CMTM8: variants seen among roughly 807,000 people sequenced by gnomAD.
The protein encoded by CMTM8 is CKLF like MARVEL transmembrane domain containing 8.
Under a neutral mutation model 18.6 loss-of-function variants are expected in CMTM8, and 12 were observed. The ratio of observed to expected loss-of-function variants is 0.65; its 90% confidence interval spans 0.41 to 1.05. The LOEUF (loss-of-function observed/expected upper bound fraction) is 1.05. Ranked by LOEUF, CMTM8 falls within the 50% of genes least tolerant of loss-of-function variation. The pLI is 0.00. For missense variants in CMTM8, 217 were observed against 227.2 expected, an observed-to-expected ratio of 0.95 and a Z score of 0.29; for synonymous variants, 87 against 90.6, an observed-to-expected ratio of 0.96 and a Z score of 0.23.
At chr3:32,285,243 A>C (rs1033361809) in intron 1 of CMTM8, among the ~76,000 whole-genome samples, 8 of 152,180 alleles carry the variant, frequency 5.3e-5, no homozygotes, top group Non-Finnish European at 1.2e-4. Context: ...GGCTGGGTGC[A>C]GTGGCTCACG....
At chr3:32,329,492 C>T (rs1297178144) in intron 1 of CMTM8, among the ~76,000 whole-genome samples, 1 of 152,140 alleles carries the variant, frequency 6.6e-6, no homozygotes, top group Non-Finnish European at 1.5e-5. Flanking sequence ...ATGTAATACA[C>T]CACATTAATG....
intron 1 of CMTM8, among the ~76,000 whole-genome samples, chr3:32,251,620 G>C (rs990237969): frequency 6.6e-6 from 1 of 151,808 alleles, no homozygotes; most frequent in African/African-American, 2.4e-5. Context: ...AGCCACATCT[G>C]TTACTTTTTA....
intron 1 of CMTM8, among the ~76,000 whole-genome samples, chr3:32,244,877 A>G (rs922158905): frequency 6.6e-5 from 10 of 152,216 alleles, no homozygotes; most frequent in African/African-American, 2.2e-4. Flanking sequence ...GTTTTGTGAC[A>G]TAGTCTGAAG....
At chr3:32,255,898 T>C (rs2125534302) in intron 1 of CMTM8, among the ~76,000 whole-genome samples, 1 of 152,128 alleles carries the variant, frequency 6.6e-6, no homozygotes, top group South Asian at 2.1e-4. Flanking sequence ...GCTAATTTTT[T>C]TGTATTTTTT....
chr3:32,331,540 A>C lies in CMTM8; in HGVS notation c.148-25833A>C, dbSNP rs1696274484. ...CTGATTAAAAAAAAAACAATGAACA[A>C]ATAAACCATACAAAAAAAAAAAAGG... On this transcript the variant is annotated intron_variant, in intron 1 of 3. Coordinates refer to ENST00000307526, the MANE Select transcript of CMTM8 (RefSeq NM_178868.5). Among the ~76,000 whole-genome samples the C allele has an allele frequency of 2.7e-5, 4 of 148,772 alleles. No individual in the cohort carries two copies. The South Asian group carries it at 6.3e-4, about 24-fold the overall frequency.
At chr3:32,329,354 C>T (rs905008129) in intron 1 of CMTM8, among the ~76,000 whole-genome samples, 1 of 152,182 alleles carries the variant, frequency 6.6e-6, no homozygotes, top group African/African-American at 2.4e-5. Context: ...GAGTGAGCCA[C>T]CATGCCTGGC....
At chr3:32,332,754 G>A in intron 1 of CMTM8, among the ~76,000 whole-genome samples, 1 of 152,124 alleles carries the variant, frequency 6.6e-6, no homozygotes, top group East Asian at 1.9e-4. Context: ...GACAGCCTTG[G>A]TCAGTGATTC....
At chr3:32,337,072 G>T (rs6776613) in intron 1 of CMTM8, among the ~76,000 whole-genome samples, 298 of 152,116 alleles carry the variant, frequency 2.0e-3, no homozygotes, top group African/African-American at 6.9e-3. Context: ...ACTCCCTCTT[G>T]TGATAACAAA....
At chr3:32,338,600 G>T (rs1696433629) in intron 1 of CMTM8, among the ~76,000 whole-genome samples, 1 of 152,176 alleles carries the variant, frequency 6.6e-6, no homozygotes. Flanking sequence ...AAATAGTTAT[G>T]TCTGTGGTCA....
At chr3:32,267,151 T>C (rs1246621518) in intron 1 of CMTM8, among the ~76,000 whole-genome samples, 3 of 152,178 alleles carry the variant, frequency 2.0e-5, no homozygotes, top group African/African-American at 7.2e-5. Context: ...AAGTCAATCC[T>C]AAGCCAAAAG....
chr3:32,337,749 C>G (rs908788372), intron 1 of CMTM8, among the ~76,000 whole-genome samples: 3 of 152,158 alleles, frequency 2.0e-5, no homozygotes, highest in Non-Finnish European at 4.4e-5. Context: ...TCACATGCTC[C>G]TGGGGGATAC....
At chr3:32,335,887 C>T (rs530206334) in intron 1 of CMTM8, among the ~76,000 whole-genome samples, 1 of 152,102 alleles carries the variant, frequency 6.6e-6, no homozygotes, top group Non-Finnish European at 1.5e-5. Flanking sequence ...GAAGATGAAG[C>T]GCACAGTCTT....
chr3:32,339,727 G>A (rs1342109476), intron 1 of CMTM8, among the ~76,000 whole-genome samples: 2 of 152,258 alleles, frequency 1.3e-5, no homozygotes, highest in South Asian at 2.1e-4. Context: ...ACTTTGGGAG[G>A]CCGAGGCGGG....
intron 1 of CMTM8, among the ~76,000 whole-genome samples, chr3:32,241,802 G>A (rs139606398): frequency 8.5e-5 from 13 of 152,324 alleles, no homozygotes; most frequent in African/African-American, 2.9e-4. Context: ...CTGACCCAGT[G>A]CGTAGACTAT....
rs1445713454 is a variant in CMTM8 at position 32,370,060 on chromosome 3, T to G, written c.*93T>G. 1 of 653,618 alleles carries G rather than the reference T, an allele frequency of 1.5e-6. No individual in the cohort carries two copies. 40.5% of individuals were successfully genotyped at this position (653,618 alleles called of 1,614,324 possible). On this transcript the variant is annotated 3_prime_UTR_variant, in exon 4 of 4. Transcript: ENST00000307526. ...AATGTATATTCCCAGAGAATTGTAT[T>G]TAACTAATTAATGTTTTTTATATTC...
chr3:32,260,993 C>G (rs997566445), intron 1 of CMTM8, among the ~76,000 whole-genome samples: 7 of 151,900 alleles, frequency 4.6e-5, no homozygotes, highest in African/African-American at 1.7e-4. Context: ...AGGCCAAAGT[C>G]AGAGGATTGC....
At chr3:32,357,302 G>A (rs1332252526) in intron 1 of CMTM8, 71 bp from the exon 2 acceptor site, 2 of 1,086,078 alleles carry the variant, frequency 1.8e-6, no homozygotes, top group Non-Finnish European at 2.7e-6. Context: ...TTTTTTCTTT[G>A]TCCCTCCTTC....
In CMTM8 at chr3:32,369,943, A is replaced by G. The variant is rs1428819144; in HGVS notation, c.498A>G (p.Ala166=). 6.2e-7 allele frequency: 1 copy of G among 1,607,368 alleles called. No individual in the cohort carries two copies. The highest frequency in any genetic ancestry group is 1.7e-5 in the Admixed American group (1 of 59,950). The change falls in exon 4 of 4, where the codon GCA becomes GCG. Residue 166 remains alanine, a synonymous_variant. Coordinates refer to ENST00000307526, the MANE Select transcript of CMTM8 (RefSeq NM_178868.5). ...GAAATACATATTTCAGTTTTATAGC[A>G]TGGAGATCCAGGACCATACAGTGAT... ...YAGNTYFSFI[A]WRSRTIQ
chr3:32,352,844 A>G (rs930018038), intron 1 of CMTM8, among the ~76,000 whole-genome samples: 1 of 150,072 alleles, frequency 6.7e-6, no homozygotes, highest in Non-Finnish European at 1.5e-5. Flanking sequence ...CTGTATTTCA[A>G]TACAGCAGTG....
Sources: gnomAD v4.1 joint callset for allele counts (sites outside exome capture counted in the v4.1 genomes callset) on GRCh38, gnomAD v4.1.1 for gene constraint, MANE v1.5 for transcripts, NCBI Gene and HGNC (gene_info 2026-07-23, HGNC 2026-07-21) for gene names.